Variants in GNB1L observed in about 807,000 individuals in gnomAD.
The protein encoded by GNB1L is G protein subunit beta 1 like.
GNB1L carries 20 observed loss-of-function variants against 29.1 expected under a neutral mutation model. The observed-to-expected ratio is 0.69, with a 90% CI of 0.48 to 1.00. The LOEUF (loss-of-function observed/expected upper bound fraction) is 1.00. Ranked by LOEUF, GNB1L falls within the 50% of genes least tolerant of loss-of-function variation. GNB1L has a pLI of 0.00. For synonymous variants in GNB1L, 193 were observed against 206.5 expected, an observed-to-expected ratio of 0.93 and a Z score of 0.56; for missense variants, 421 against 464.9, an observed-to-expected ratio of 0.91 and a Z score of 0.87.
chr22:19,849,076 C>CAGAA, intron 2 of GNB1L: 2 of 985,476 alleles, frequency 2.0e-6, no homozygotes, highest in South Asian at 9.4e-5. Flanking sequence ...TGACCTGGCA[C>CAGAA]AGAAGCATGG....
chr22:19,848,428 C>G, intron 2 of GNB1L: 3 of 985,440 alleles, frequency 3.0e-6, no homozygotes, highest in Non-Finnish European at 3.6e-6. Context: ...GCAGCTTGGT[C>G]ATCATCTGTC....
intron 6 of GNB1L, among the ~76,000 whole-genome samples, chr22:19,802,820 T>C (rs1289049972): frequency 6.6e-6 from 1 of 152,216 alleles, no homozygotes; most frequent in Non-Finnish European, 1.5e-5. Context: ...CCCGAGCTCT[T>C]GTGATGAATG....
intron 7 of GNB1L, among the ~76,000 whole-genome samples, chr22:19,797,744 GCCAAGC>G (rs1374800181): frequency 6.6e-6 from 1 of 152,194 alleles, no homozygotes; most frequent in African/African-American, 2.4e-5. Flanking sequence ...GTCTCTCAAG[GCCAAGC>G]CCCTGCAAGC....
intron 7 of GNB1L, among the ~76,000 whole-genome samples, chr22:19,801,643 T>A (rs1411708746): frequency 6.6e-6 from 1 of 150,598 alleles, no homozygotes; most frequent in African/African-American, 2.4e-5. Flanking sequence ...CCTCGCAGTT[T>A]TCCACACTGG....
intron 2 of GNB1L, among the ~76,000 whole-genome samples, chr22:19,836,804 T>A (rs1937771631): frequency 6.6e-6 from 1 of 152,016 alleles, no homozygotes; most frequent in Admixed American, 6.6e-5. Context: ...ATGTTAACAC[T>A]AAAGAAAAAC....
chr22:19,790,539 T>C (rs987289476), intron 7 of GNB1L, among the ~76,000 whole-genome samples: 10 of 152,170 alleles, frequency 6.6e-5, no homozygotes, highest in Non-Finnish European at 1.3e-4. Context: ...AGGCTGAGTG[T>C]GGTGGCTCAT....
At position 19,815,152 on chromosome 22, in the gene GNB1L, C is replaced by T. The variant is rs1937519647; in HGVS notation, c.255-2705G>A. ...CCGGAGCAGAAATGTCACTGGTGGA[C>T]AAACAGAAGAAATTGAAACAAAGTC... On this transcript the variant is annotated intron_variant, in intron 4 of 7. Coordinates refer to ENST00000329517, the MANE Select transcript of GNB1L (RefSeq NM_053004.3). Among the ~76,000 whole-genome samples, 6 of 152,198 alleles carry T rather than the reference C, an allele frequency of 3.9e-5. No individual in the cohort carries two copies. The South Asian group carries it at 1.2e-3, about 32-fold the overall frequency.
Position 19,783,369 on chromosome 22 carries a change from G to C in GNB1L, c.*5340C>G, listed in dbSNP as rs1201435609. The C allele has an allele frequency of 8.4e-6, 3 of 355,500 alleles. No individual in the cohort carries two copies. The highest frequency in any genetic ancestry group is 1.7e-5 in the Non-Finnish European group (3 of 181,516). 22.0% of individuals were successfully genotyped at this position (355,500 alleles called of 1,614,324 possible). On this transcript the variant is annotated 3_prime_UTR_variant, in exon 8 of 8. Transcript: ENST00000329517. ...TGCATGCAAGAGGTGGCAGGGGACA[G>C]ATGTGCTGCTGTTCCCAGGCCACCT...
intron 2 of GNB1L, chr22:19,852,600 A>G (rs11704009): frequency 0.22 from 59,933 of 275,798 alleles, 11,274 homozygotes; most frequent in African/African-American, 0.62. Flanking sequence ...GGAGCTTTGA[A>G]TGGAAGGAGG....
chr22:19,792,195 C>G (rs1937259454), intron 7 of GNB1L: 1 of 583,458 alleles, frequency 1.7e-6, no homozygotes, highest in African/African-American at 1.9e-5. Flanking sequence ...AGAAACTGAC[C>G]CCAAAATGGC....
chr22:19,851,895 C>A lies in GNB1L; in HGVS notation c.-21+2548G>T, dbSNP rs34027839. 8,557 of 1,614,086 alleles carry A rather than the reference C, an allele frequency of 5.3e-3. 101 individuals carry two copies. Among genetic ancestry groups the A allele is most frequent in the African/African-American group, 0.045 (3,355 of 75,064 alleles). ...TGCTCAAAGTGGAAGGACATGTAAT[C>A]GCCCAGCTGGGCCAAGAAGCGGTCC... On this transcript the variant is annotated intron_variant, in intron 2 of 7. Transcript: ENST00000329517.
intron 2 of GNB1L, chr22:19,847,798 C>T (rs1937995165): frequency 2.9e-6 from 1 of 338,998 alleles, no homozygotes; most frequent in Non-Finnish European, 3.5e-6. Context: ...ATCCTGGAAT[C>T]ATAGGCAAAA....
chr22:19,784,217 G>A lies in GNB1L; in HGVS notation c.*4492C>T, dbSNP rs183248505. ...TCCTTTTGTGCAGAGGGTGTTCTGT[G>A]GCTTCTTGGCAGAGACACAGGTGGG... On this transcript the variant is annotated 3_prime_UTR_variant, in exon 8 of 8. Coordinates refer to ENST00000329517, the MANE Select transcript of GNB1L (RefSeq NM_053004.3). 7 of 152,354 alleles carry A rather than the reference G, an allele frequency of 4.6e-5. No individual in the cohort carries two copies. The highest frequency in any genetic ancestry group is 1.7e-4 in the African/African-American group (7 of 41,578). 9.4% of individuals were successfully genotyped at this position (152,354 alleles called of 1,614,324 possible).
At chr22:19,852,228 G>C (rs745877517) in intron 2 of GNB1L, 1 of 1,612,094 alleles carries the variant, frequency 6.2e-7, no homozygotes, top group Non-Finnish European at 8.5e-7. Flanking sequence ...ATGGGAATGC[G>C]AGGGCCCTGC....
intron 3 of GNB1L, 31 bp from the exon 4 acceptor site, chr22:19,820,754 G>T (rs1316993144): frequency 6.3e-7 from 1 of 1,593,322 alleles, no homozygotes; most frequent in Non-Finnish European, 8.6e-7. Context: ...AGGGTGTCAG[G>T]GGGCAGAAGG....
At chr22:19,808,009 G>A (rs536513278) in intron 5 of GNB1L, among the ~76,000 whole-genome samples, 29 of 152,326 alleles carry the variant, frequency 1.9e-4, no homozygotes, top group Non-Finnish European at 3.7e-4. Context: ...CCAGGGCCAC[G>A]GCGCTTCTTG....
chr22:19,799,738 G>A (rs562761346), intron 7 of GNB1L, among the ~76,000 whole-genome samples: 16 of 152,218 alleles, frequency 1.1e-4, no homozygotes, highest in Non-Finnish European at 1.8e-4. Context: ...GACACCTGTG[G>A]GTGCTGAGGA....
intron 2 of GNB1L, among the ~76,000 whole-genome samples, chr22:19,843,696 G>A (rs1017000405): frequency 3.0e-4 from 46 of 152,320 alleles, no homozygotes; most frequent in Admixed American, 1.8e-3. Flanking sequence ...AGGGGAACCC[G>A]AGCCCCGGCT....
intron 2 of GNB1L, among the ~76,000 whole-genome samples, chr22:19,824,335 AGGC>A (rs1937602506): frequency 6.6e-6 from 1 of 152,056 alleles, no homozygotes; most frequent in African/African-American, 2.4e-5. Flanking sequence ...TGTGGAGCAA[AGGC>A]CGCCCTTGCG....
Sources: gnomAD v4.1 joint callset for allele counts (sites outside exome capture counted in the v4.1 genomes callset) on GRCh38, gnomAD v4.1.1 for gene constraint, MANE v1.5 for transcripts, NCBI Gene and HGNC (gene_info 2026-07-23, HGNC 2026-07-21) for gene names.